PC: variants seen among roughly 807,000 people sequenced by gnomAD.
PC encodes the protein pyruvate carboxylase.
In PC, 46 loss-of-function variants were observed where a neutral mutation model predicts 107.8. The ratio of observed to expected loss-of-function variants is 0.43; its 90% CI spans 0.34 to 0.55. The LOEUF (loss-of-function observed/expected upper bound fraction) is 0.55. Ranked by LOEUF, PC falls within the 20% of genes least tolerant of loss-of-function variation. The pLI, the probability that PC is intolerant of heterozygous loss-of-function variation, is 0.04. For synonymous variants in PC, 662 were observed against 684.7 expected (o/e 0.97, Z 0.52); for missense variants, 1,241 against 1,643.1 (o/e 0.76, Z 4.23).
chr11:66,889,928 CAATA>C (rs145874782), intron 3 of PC, among the ~76,000 whole-genome samples: 13,954 of 151,908 alleles, frequency 0.092, 1,141 homozygotes, highest in Admixed American at 0.26. Context: ...TTGTTTTACC[CAATA>C]TATATTTGAA....
At chr11:66,878,939 G>C (rs1462113212) in intron 3 of PC, among the ~76,000 whole-genome samples, 1 of 152,200 alleles carries the variant, frequency 6.6e-6, no homozygotes, top group African/African-American at 2.4e-5. Flanking sequence ...TGAGGCCCCA[G>C]CTTTCACATC....
At chr11:66,864,594 G>C (rs1352462852) in intron 11 of PC, among the ~76,000 whole-genome samples, 2 of 152,260 alleles carry the variant, frequency 1.3e-5, no homozygotes, top group Non-Finnish European at 2.9e-5. Context: ...CAACGAGGAG[G>C]AAGTGGGAGA....
intron 12 of PC, among the ~76,000 whole-genome samples, chr11:66,855,278 G>A (rs924261308): frequency 6.6e-6 from 1 of 152,236 alleles, no homozygotes; most frequent in Non-Finnish European, 1.5e-5. Flanking sequence ...TCCCAGCACT[G>A]GGTGGCCATG....
At chr11:66,912,667 A>G (rs1410731802) in intron 3 of PC, among the ~76,000 whole-genome samples, 1 of 152,156 alleles carries the variant, frequency 6.6e-6, no homozygotes, top group Non-Finnish European at 1.5e-5. Context: ...AACACAAAAT[A>G]GGCAGCTTTG....
At chr11:66,941,616 C>T (rs144250885) in intron 3 of PC, among the ~76,000 whole-genome samples, 13 of 152,240 alleles carry the variant, frequency 8.5e-5, no homozygotes, top group South Asian at 2.1e-4. Flanking sequence ...CTCAACCTTC[C>T]GAGTAGCTGA....
intron 3 of PC, among the ~76,000 whole-genome samples, chr11:66,918,709 T>C (rs1199097577): frequency 6.6e-6 from 1 of 151,662 alleles, no homozygotes; most frequent in East Asian, 1.9e-4. Flanking sequence ...TTTTTAGGGG[T>C]GTGGGTATAG....
At chr11:66,958,198 G>A (rs1949622862) in intron 1 of PC, 124 bp downstream of exon 1, 1 of 152,080 alleles carries the variant, frequency 6.6e-6, no homozygotes, top group Non-Finnish European at 1.5e-5. Context: ...GTCACTCGCG[G>A]AGCCCGCGCC....
chr11:66,902,397 G>C (rs1947990159), intron 3 of PC, among the ~76,000 whole-genome samples: 1 of 152,144 alleles, frequency 6.6e-6, no homozygotes, highest in Admixed American at 6.5e-5. Context: ...CCACTGCACT[G>C]AGTGATTTCT....
At chr11:66,892,069 G>T (rs534837446) in intron 3 of PC, among the ~76,000 whole-genome samples, 9 of 152,274 alleles carry the variant, frequency 5.9e-5, no homozygotes, top group Admixed American at 1.3e-4. Context: ...CATGGCAGAC[G>T]CTTGGGAGGA....
In PC at chr11:66,858,782, T is replaced by G; in HGVS notation, c.1368+4992A>C. On this transcript the variant is annotated intron_variant, in intron 12 of 22. Transcript: ENST00000393960. This position sits in a 1 kb window ranked among gnomAD's most constrained non-coding sequence, Gnocchi z 5.9. ...TTGGGGTGACCGGCGCTGGGGACGC[T>G]GGGGGCTACACCTGCATCGCCACCA... 1 of 1,550,226 alleles carries G rather than the reference T, an allele frequency of 6.5e-7. No individual in the cohort carries two copies. Among genetic ancestry groups the G allele is most frequent in the South Asian group, 1.2e-5 (1 of 84,452 alleles).
chr11:66,938,541 A>C (rs1165428331), intron 3 of PC, among the ~76,000 whole-genome samples: 1 of 152,186 alleles, frequency 6.6e-6, no homozygotes, highest in East Asian at 1.9e-4. Context: ...CCCTTCTCTA[A>C]TTAGATTTTT....
chr11:66,955,791 G>A (rs1266065344), intron 1 of PC, among the ~76,000 whole-genome samples: 1 of 136,312 alleles, frequency 7.3e-6, no homozygotes, highest in South Asian at 2.2e-4. Flanking sequence ...CTTTTTTTTT[G>A]ACAGGGAGTT....
Position 66,863,968 on chromosome 11 carries a change from G to T in PC, c.1186-12C>A, listed in dbSNP as rs1946385982. The T allele has an allele frequency of 6.2e-7, 1 of 1,613,372 alleles. No individual in the cohort carries two copies. Among genetic ancestry groups the T allele is most frequent in the Admixed American group, 1.7e-5 (1 of 60,018 alleles). On this transcript the variant is annotated splice_polypyrimidine_tract_variant and intron_variant, in intron 11 of 22. Transcript: ENST00000393960. ...CCGCTCCGGAACACCTGTGGGAAGG[G>T]TGAGGCGTGAGGACCTGCGCCAGAA...
chr11:66,873,176 C>T (rs1473174278), intron 3 of PC, among the ~76,000 whole-genome samples: 1 of 147,918 alleles, frequency 6.8e-6, no homozygotes, highest in Non-Finnish European at 1.5e-5. Context: ...CCTGTCTCTA[C>T]AGAAAATATA....
chr11:66,912,195 A>G (rs1436360433), intron 3 of PC, among the ~76,000 whole-genome samples: 2 of 152,222 alleles, frequency 1.3e-5, no homozygotes, highest in Non-Finnish European at 2.9e-5. Flanking sequence ...TACAATCCCC[A>G]TCGCAATCCT....
Position 66,871,623 on chromosome 11 carries a change from C to G in PC, c.321+64G>C. On this transcript the variant is annotated intron_variant, in intron 5 of 22. Transcript: ENST00000393960. The surrounding 1 kb of genome is among the most constrained non-coding windows in gnomAD (Gnocchi z 7.4). Reference sequence around the variant, plus strand: ...CGCTGAGCACGCCAGCCTCAAGAGACCCCCGCGGCAACTAAGACTCCCTGG... The same window carrying G: ...CGCTGAGCACGCCAGCCTCAAGAGAGCCCCGCGGCAACTAAGACTCCCTGG... 1.3e-6 allele frequency: 2 copies of G among 1,562,086 alleles called. No homozygotes were observed. The highest frequency in any genetic ancestry group is 2.4e-5 in the East Asian group (1 of 42,112).
intron 3 of PC, among the ~76,000 whole-genome samples, chr11:66,900,075 C>T (rs1947892263): frequency 6.6e-6 from 1 of 151,838 alleles, no homozygotes. Flanking sequence ...ATTCTGGGCT[C>T]TCAGTTCTAT....
intron 3 of PC, among the ~76,000 whole-genome samples, chr11:66,908,223 GAGC>G (rs942994680): frequency 1.3e-5 from 2 of 152,150 alleles, no homozygotes; most frequent in African/African-American, 4.8e-5. Context: ...CTAAGGAAAG[GAGC>G]AGAAGATTCA....
chr11:66,913,697 C>T (rs1056503458), intron 3 of PC, among the ~76,000 whole-genome samples: 12 of 151,184 alleles, frequency 7.9e-5, no homozygotes, highest in Non-Finnish European at 1.2e-4. Context: ...GAAAGAAATA[C>T]TGCAGCCATC....
Sources: gnomAD v4.1 joint callset for allele counts (sites outside exome capture counted in the v4.1 genomes callset) on GRCh38, gnomAD v4.1.1 for gene constraint, Gnocchi (gnomAD v3.1) non-coding constraint, MANE v1.5 for transcripts, NCBI Gene and HGNC (gene_info 2026-07-23, HGNC 2026-07-21) for gene names.